Variants in CCDC102B observed in about 807,000 individuals in gnomAD.
CCDC102B encodes the protein coiled-coil domain-containing protein 102B.
In CCDC102B, 75 loss-of-function variants were observed where a neutral mutation model predicts 57.4. The observed-to-expected ratio is 1.31, with a 90% CI of 1.08 to 1.58. The LOEUF is 1.58. Ranked by LOEUF, CCDC102B falls within the 40% of genes most tolerant of loss-of-function variation. The pLI, the probability that CCDC102B is intolerant of heterozygous loss-of-function variation, is 0.00. For synonymous variants in CCDC102B, 206 were observed against 201.9 expected (o/e 1.02, Z -0.17); for missense variants, 636 against 582.6 (o/e 1.09, Z -0.94).
intron 5 of CCDC102B, among the ~76,000 whole-genome samples, chr18:68,877,923 C>A (rs2039513558): frequency 1.3e-5 from 2 of 152,080 alleles, no homozygotes; most frequent in South Asian, 2.1e-4. Flanking sequence ...AATCACTCAA[C>A]AAATGGCCAT....
intron 4 of CCDC102B, among the ~76,000 whole-genome samples, chr18:68,864,133 A>G (rs8090362): frequency 0.7 from 106,718 of 151,840 alleles, 37,900 homozygotes; most frequent in East Asian, 1. Flanking sequence ...TTTATTGGTC[A>G]TAGTTTCTGA....
chr18:69,043,626 C>A (rs923619099), intron 7 of CCDC102B, among the ~76,000 whole-genome samples: 8 of 152,022 alleles, frequency 5.3e-5, no homozygotes, highest in African/African-American at 1.7e-4. Flanking sequence ...CATCTTGCAC[C>A]GCCCTTAATC....
intron 6 of CCDC102B, among the ~76,000 whole-genome samples, chr18:68,914,852 C>A (rs2041007337): frequency 6.6e-6 from 1 of 152,074 alleles, no homozygotes; most frequent in Non-Finnish European, 1.5e-5. Flanking sequence ...TCATTTATAT[C>A]CATTAGCCAA....
intron 4 of CCDC102B, among the ~76,000 whole-genome samples, chr18:68,858,711 T>C (rs899359421): frequency 6.6e-6 from 1 of 152,150 alleles, no homozygotes; most frequent in African/African-American, 2.4e-5. Flanking sequence ...CTTTGCTAAC[T>C]GGCACCCATT....
At chr18:68,866,614 T>C in intron 4 of CCDC102B, 1 of 309,502 alleles carries the variant, frequency 3.2e-6, no homozygotes, top group South Asian at 3.4e-5. Flanking sequence ...TTGGGAACCT[T>C]AGTCAAAAAA....
At chr18:68,806,622 A>C (rs1027481319) in intron 1 of CCDC102B, among the ~76,000 whole-genome samples, 1 of 152,204 alleles carries the variant, frequency 6.6e-6, no homozygotes, top group Non-Finnish European at 1.5e-5. Context: ...CTGTGGAAAA[A>C]GAGAAGCTCT....
Position 68,874,797 on chromosome 18 carries a change from G to T in CCDC102B, c.1053+12G>T, listed in dbSNP as rs2039379469. Reference sequence around the variant, plus strand: ...AGTTAAGAGCAGAGGTAAGACACTGGGTAAAGAGTACCATATATATTAAAA... The same window carrying T: ...AGTTAAGAGCAGAGGTAAGACACTGTGTAAAGAGTACCATATATATTAAAA... On this transcript the variant is annotated intron_variant, in intron 5 of 7. Transcript: ENST00000360242. 1 of 1,425,080 alleles carries T rather than the reference G, an allele frequency of 7.0e-7. No individual in the cohort carries two copies. The highest frequency in any genetic ancestry group is 1.2e-5 in the South Asian group (1 of 86,874). 88.3% of individuals were successfully genotyped at this position (1,425,080 alleles called of 1,614,324 possible). A position where few individuals can be genotyped will look rare whatever the true frequency, so the allele number is the denominator to read the frequency against.
At chr18:68,828,987 G>A (rs2037029617) in intron 1 of CCDC102B, among the ~76,000 whole-genome samples, 1 of 151,850 alleles carries the variant, frequency 6.6e-6, no homozygotes, top group South Asian at 2.1e-4. Flanking sequence ...AAGTCTGGGT[G>A]AAAGATGTAG....
At chr18:68,766,495 G>T (rs958802591) in intron 2 of CCDC102B, among the ~76,000 whole-genome samples, 1 of 152,150 alleles carries the variant, frequency 6.6e-6, no homozygotes, top group Non-Finnish European at 1.5e-5. Context: ...GGTTGGCAAT[G>T]GATGGACAGT....
intron 4 of CCDC102B, among the ~76,000 whole-genome samples, chr18:68,853,301 A>C (rs1328336975): frequency 2.6e-5 from 4 of 152,188 alleles, no homozygotes. Flanking sequence ...GTGGGATAGA[A>C]ACTTCAAAGA....
chr18:68,871,166 A>G (rs1407911151), intron 4 of CCDC102B, among the ~76,000 whole-genome samples: 5 of 152,210 alleles, frequency 3.3e-5, no homozygotes, highest in Non-Finnish European at 7.4e-5. Flanking sequence ...TTGGAGTTAT[A>G]TTATGGTACA....
intron 2 of CCDC102B, among the ~76,000 whole-genome samples, chr18:68,717,674 GT>G (rs926532336): frequency 2.0e-5 from 3 of 151,844 alleles, no homozygotes; most frequent in Admixed American, 6.6e-5. Context: ...AAATTTAAGT[GT>G]TTTTTTCTGC....
chr18:68,968,323 A>G (rs919485644), intron 6 of CCDC102B, among the ~76,000 whole-genome samples: 7 of 152,180 alleles, frequency 4.6e-5, no homozygotes, highest in Admixed American at 3.9e-4. Context: ...AGCTTCTCTG[A>G]CGCAGCTCTG....
intron 2 of CCDC102B, among the ~76,000 whole-genome samples, chr18:68,787,297 G>C (rs1006034460): frequency 6.6e-6 from 1 of 151,582 alleles, no homozygotes; most frequent in Non-Finnish European, 1.5e-5. Context: ...CTCTTTTTTG[G>C]TTGTGTCTCG....
chr18:68,924,356 G>A (rs1485392673), intron 6 of CCDC102B, among the ~76,000 whole-genome samples: 2 of 151,938 alleles, frequency 1.3e-5, no homozygotes, highest in African/African-American at 4.8e-5. Context: ...GAGATCTGAT[G>A]GTTTAATAAG....
chr18:69,055,454 G>A (rs1253819281), downstream of CCDC102B, among the ~76,000 whole-genome samples: 1 of 152,038 alleles, frequency 6.6e-6, no homozygotes, highest in Non-Finnish European at 1.5e-5. Flanking sequence ...ATCCATCTCA[G>A]TGCTTTCTGG....
chr18:69,049,315 T>G (rs1362847063), intron 7 of CCDC102B, among the ~76,000 whole-genome samples: 1 of 152,134 alleles, frequency 6.6e-6, no homozygotes, highest in Admixed American at 6.6e-5. Flanking sequence ...CCTGTGTTAG[T>G]TTGCTGAGAA....
intron 1 of CCDC102B, among the ~76,000 whole-genome samples, chr18:68,810,908 C>T (rs975938503): frequency 1.3e-5 from 2 of 151,868 alleles, no homozygotes; most frequent in African/African-American, 4.8e-5. Flanking sequence ...TCCATGTTTT[C>T]TCATTGTTCA....
intron 7 of CCDC102B, among the ~76,000 whole-genome samples, chr18:69,018,089 C>T (rs1020290337): frequency 2.0e-5 from 3 of 152,054 alleles, no homozygotes; most frequent in Non-Finnish European, 4.4e-5. Flanking sequence ...GTGAGTGTAT[C>T]TCACAATTTA....
Sources: gnomAD v4.1 joint callset for allele counts (sites outside exome capture counted in the v4.1 genomes callset) on GRCh38, gnomAD v4.1.1 for gene constraint, MANE v1.5 for transcripts, NCBI Gene and HGNC (gene_info 2026-07-23, HGNC 2026-07-21) for gene names.